Variants in ROBO1 observed in about 807,000 individuals in gnomAD.
The protein encoded by ROBO1 is roundabout homolog 1.
ROBO1 carries 149 observed loss-of-function variants against 195.9 expected under a neutral mutation model. That is an observed-to-expected ratio of 0.76 (90% CI 0.67 to 0.87). The LOEUF is 0.87. Among genes scored for constraint, ROBO1 ranks in the 40% least tolerant of loss-of-function variants. The pLI, the probability that ROBO1 is intolerant of heterozygous loss-of-function variation, is 0.00. For synonymous variants in ROBO1, 816 were observed against 733.2 expected, an observed-to-expected ratio of 1.11 and a Z score of -1.82; for missense variants, 1,933 against 2,068.3, an observed-to-expected ratio of 0.93 and a Z score of 1.27.
At chr3:79,709,269 T>C (rs1042854207) in intron 1 of ROBO1, among the ~76,000 whole-genome samples, 3 of 152,162 alleles carry the variant, frequency 2.0e-5, no homozygotes, top group African/African-American at 7.2e-5. Context: ...ACCTAGCCTA[T>C]TATATTACAG....
At chr3:79,711,347 G>C (rs910388647) in intron 1 of ROBO1, among the ~76,000 whole-genome samples, 1 of 152,124 alleles carries the variant, frequency 6.6e-6, no homozygotes, top group Admixed American at 6.6e-5. Flanking sequence ...AGTTTAGTAA[G>C]TTATAAGAAA....
At chr3:78,655,116 G>A (rs1379167513) in intron 18 of ROBO1, among the ~76,000 whole-genome samples, 2 of 151,060 alleles carry the variant, frequency 1.3e-5, no homozygotes, top group African/African-American at 4.9e-5. Flanking sequence ...TATAATCATT[G>A]GTTTTTTTTA....
intron 1 of ROBO1, among the ~76,000 whole-genome samples, chr3:79,720,113 T>C (rs572754907): frequency 2.0e-5 from 3 of 152,340 alleles, no homozygotes; most frequent in East Asian, 3.9e-4. Flanking sequence ...TCTTTAAAGA[T>C]GGCCCTCAAT....
chr3:79,702,985 T>C lies in ROBO1; in HGVS notation c.-51+64767A>G, dbSNP rs143291333. On this transcript the variant is annotated intron_variant, in intron 1 of 30. Transcript: ENST00000464233. The stretch of plus-strand genomic sequence containing the variant: ...TCTCAAAGGACTTTTACTGAGATCA[T>C]GGTGACCTACTATTCCCTTGGATAT... Among the ~76,000 whole-genome samples the C allele has an allele frequency of 3.7e-3, 567 of 152,020 alleles. 6 individuals are homozygous for C. The highest frequency in any genetic ancestry group is 0.031 in the Middle Eastern group (9 of 294).
intron 3 of ROBO1, among the ~76,000 whole-genome samples, chr3:78,989,564 A>G (rs2077188661): frequency 1.3e-5 from 2 of 152,226 alleles, no homozygotes; most frequent in Non-Finnish European, 2.9e-5. Flanking sequence ...CAGTGAGCAG[A>G]GATTGCAAGA....
chr3:78,879,588 G>T (rs1014435873), intron 4 of ROBO1, among the ~76,000 whole-genome samples: 5 of 151,058 alleles, frequency 3.3e-5, no homozygotes, highest in African/African-American at 1.2e-4. Context: ...GATTAGAACC[G>T]CAGACGCTTT....
chr3:79,743,591 C>G (rs35754336), intron 1 of ROBO1, among the ~76,000 whole-genome samples: 190 of 152,170 alleles, frequency 1.2e-3, no homozygotes, highest in African/African-American at 4.5e-3. Context: ...CTTACTGAAA[C>G]TTTTTTCTTT....
chr3:79,297,451 T>C (rs916638505), intron 2 of ROBO1, among the ~76,000 whole-genome samples: 5 of 152,162 alleles, frequency 3.3e-5, no homozygotes, highest in Non-Finnish European at 7.4e-5. Flanking sequence ...TTATGATCTC[T>C]AGTGGGCATA....
chr3:78,938,866 A>C lies in ROBO1; in HGVS notation c.234T>G (p.Ile78Met). ...PRIVEHPSDL[I>M]VSKGEPATLN... is the part of the protein sequence containing the mutation. ...AAGTTGCAGGTTCTCCTTTTGAGAC[A>C]ATCAGGTCTGAAGGGTGTTCAACAA... Residue 78 changes from isoleucine to methionine, a missense_variant, in exon 4 of 31, where the codon ATT becomes ATG. By Grantham distance (10) the Ile-to-Met change is conservative (BLOSUM62 1). This residue lies in a region of ROBO1 where 185 missense variants were observed against 159.5 expected (regional missense o/e 1.16). Transcript: ENST00000464233. 1 of 1,614,020 alleles carries C rather than the reference A, an allele frequency of 6.2e-7. No individual in the cohort carries two copies. Among genetic ancestry groups the C allele is most frequent in the Admixed American group, 1.7e-5 (1 of 60,022 alleles).
At chr3:78,693,455 C>T in intron 8 of ROBO1, 1 of 877,496 alleles carries the variant, frequency 1.1e-6, no homozygotes, top group South Asian at 1.5e-5. Flanking sequence ...AATGATTCTT[C>T]TTTTAAGATA....
At chr3:78,928,001 GCA>G (rs1486257144) in intron 4 of ROBO1, among the ~76,000 whole-genome samples, 1 of 152,106 alleles carries the variant, frequency 6.6e-6, no homozygotes, top group Non-Finnish European at 1.5e-5. Flanking sequence ...TGTCAGCCAG[GCA>G]CAGTTCTGAG....
chr3:79,028,078 T>C (rs558234281), intron 3 of ROBO1, among the ~76,000 whole-genome samples: 130 of 152,188 alleles, frequency 8.5e-4, no homozygotes, highest in Non-Finnish European at 1.6e-3. Context: ...TAAGCATACA[T>C]ACTAAAAGTA....
At chr3:78,717,702 CA>C (rs1423397884) in intron 6 of ROBO1, 60 bp downstream of exon 6, 17 of 1,565,928 alleles carry the variant, frequency 1.1e-5, no homozygotes, top group Non-Finnish European at 1.5e-5. Flanking sequence ...CCCTTGTATA[CA>C]GACACAAAAT....
intron 10 of ROBO1, among the ~76,000 whole-genome samples, chr3:78,677,164 C>T (rs533705987): frequency 2.8e-4 from 43 of 152,258 alleles, no homozygotes; most frequent in African/African-American, 9.1e-4. Flanking sequence ...AAAAGAGCTC[C>T]TGAAGGAAGT....
At chr3:78,672,101 T>G (rs1708094951) in intron 10 of ROBO1, among the ~76,000 whole-genome samples, 1 of 152,204 alleles carries the variant, frequency 6.6e-6, no homozygotes, top group Non-Finnish European at 1.5e-5. Context: ...ATCCATCAAC[T>G]AAGCATAATA....
intron 2 of ROBO1, among the ~76,000 whole-genome samples, chr3:79,334,577 C>T (rs1006561141): frequency 6.6e-6 from 1 of 151,684 alleles, no homozygotes; most frequent in Non-Finnish European, 1.5e-5. Context: ...TGATGGAGCC[C>T]TCTCTACAGT....
intron 3 of ROBO1, among the ~76,000 whole-genome samples, chr3:79,123,206 A>T (rs1021255423): frequency 6.6e-6 from 1 of 151,938 alleles, no homozygotes; most frequent in Non-Finnish European, 1.5e-5. Flanking sequence ...TAAATATATA[A>T]AAGTGTTCCT....
chr3:78,634,046 G>C lies in ROBO1; in HGVS notation c.3374-4C>G. On this transcript the variant is annotated splice_region_variant and splice_polypyrimidine_tract_variant and intron_variant, in intron 23 of 30. Transcript: ENST00000464233. Reference sequence around the variant, plus strand: ...ACTGTGTCATTTGCTCGATAATCTAGACATATCAGATGAAAAAACAATAAA... The same window carrying C: ...ACTGTGTCATTTGCTCGATAATCTACACATATCAGATGAAAAAACAATAAA... The C allele has an allele frequency of 6.4e-7, 1 of 1,563,546 alleles. No homozygotes were observed. The highest frequency in any genetic ancestry group is 1.4e-5 in the African/African-American group (1 of 73,620).
At chr3:79,039,021 TGA>T (rs1033857656) in intron 3 of ROBO1, among the ~76,000 whole-genome samples, 16 of 152,118 alleles carry the variant, frequency 1.1e-4, no homozygotes, top group African/African-American at 2.7e-4. Context: ...GCCTGACAGT[TGA>T]GAGTTTGTTG....
Sources: gnomAD v4.1 joint callset for allele counts (sites outside exome capture counted in the v4.1 genomes callset) on GRCh38, gnomAD v4.1.1 for gene constraint, gnomAD v4.1.1 regional missense constraint, MANE v1.5 for transcripts, NCBI Gene and HGNC (gene_info 2026-07-23, HGNC 2026-07-21) for gene names.